TFR2: variants seen among roughly 807,000 people sequenced by gnomAD.
The protein encoded by TFR2 is transferrin receptor protein 2.
In TFR2, 64 loss-of-function variants were observed where a neutral mutation model predicts 91.9. That is an observed-to-expected ratio of 0.70 (90% CI 0.57 to 0.86). The LOEUF (loss-of-function observed/expected upper bound fraction) is 0.86. Among genes scored for constraint, TFR2 ranks in the 40% least tolerant of loss-of-function variants. The pLI is 0.00. For synonymous variants in TFR2, 454 were observed against 459.6 expected (o/e 0.99, Z 0.15); for missense variants, 950 against 1,080.5 (o/e 0.88, Z 1.69).
chr7:100,640,932 C>G, intron 2 of TFR2, 44 bp downstream of exon 2: 1 of 1,613,696 alleles, frequency 6.2e-7, no homozygotes, highest in South Asian at 1.1e-5. Context: ...AGAAATCTCC[C>G]CCAGCCCAAG....
At position 100,632,193 on chromosome 7, in the gene TFR2, G is replaced by A. The variant is rs1584459777; in HGVS notation, c.855C>T (p.Thr285=). 1.2e-6 allele frequency: 2 copies of A among 1,613,828 alleles called. No individual in the cohort carries two copies. The highest frequency in any genetic ancestry group is 1.7e-6 in the Non-Finnish European group (2 of 1,179,876). ...CTTGAGCCCCGAAGTCCTGAGCATTGGTCACCTGGGGAGGAAGGTGACTAG... is the reference window on the plus strand; with the variant it reads ...CTTGAGCCCCGAAGTCCTGAGCATTAGTCACCTGGGGAGGAAGGTGACTAG... ...VGVISFAQKV[T]NAQDFGAQGV... is the part of the protein sequence containing the mutation. Residue 285 remains threonine, a synonymous_variant, in exon 7 of 18, where the codon ACC becomes ACT. Transcript: ENST00000223051.
At position 100,632,089 on chromosome 7, in the gene TFR2, T is replaced by A; in HGVS notation, c.959A>T (p.Tyr320Phe). 2 of 1,614,144 alleles carry A rather than the reference T, an allele frequency of 1.2e-6. No individual in the cohort carries two copies. Among genetic ancestry groups the A allele is most frequent in the African/African-American group, 1.3e-5 (1 of 75,054 alleles). ...KPSLSSQQAV[Y>F]GHVHLGTGDP... The stretch of plus-strand genomic sequence containing the variant: ...CAGCCTCCCCAGACTCACATGTCCA[T>A]ACACTGCCTGCTGGCTGGACAGGCT... Residue 320 changes from tyrosine to phenylalanine, a missense_variant, in exon 7 of 18, where the codon TAT (tyrosine) becomes TTT (phenylalanine). Transcript: ENST00000223051.
At chr7:100,637,610 A>G (rs1399521272) in intron 3 of TFR2, among the ~76,000 whole-genome samples, 1 of 150,784 alleles carries the variant, frequency 6.6e-6, no homozygotes, top group Non-Finnish European at 1.5e-5. Flanking sequence ...ATAAAAATAA[A>G]TAAATCCTGT....
intron 8 of TFR2, 182 bp downstream of exon 8, chr7:100,631,623 CA>C (rs368447138): frequency 0.12 from 66,488 of 573,008 alleles, 1 homozygote; most frequent in East Asian, 0.16. Flanking sequence ...GACTCCATCT[CA>C]AAAAAAAAAA....
At position 100,627,985 on chromosome 7, in the gene TFR2, G is replaced by C. The variant is rs1803316574; in HGVS notation, c.1538-11C>G. On this transcript the variant is annotated splice_polypyrimidine_tract_variant and intron_variant, in intron 12 of 17. Transcript: ENST00000223051. ...GAAACTTGTCATCCCCTGGAAAAAG[G>C]GGAGGGGAGGGATGCCAGGCTCAGG... The C allele has an allele frequency of 6.2e-7, 1 of 1,614,042 alleles. No homozygotes were observed. Among genetic ancestry groups the C allele is most frequent in the Non-Finnish European group, 8.5e-7 (1 of 1,179,926 alleles).
Position 100,632,132 on chromosome 7 carries a change from G to T in TFR2, c.916C>A (p.Gln306Lys). 1 of 1,614,146 alleles carries T rather than the reference G, an allele frequency of 6.2e-7. No individual in the cohort carries two copies. Among genetic ancestry groups the T allele is most frequent in the South Asian group, 1.1e-5 (1 of 91,080 alleles). Reference protein sequence around the residue: ...LIYPEPADFSQDPPKPSLSSQ... With the variant: ...LIYPEPADFSKDPPKPSLSSQ... ...GACAGGCTTGGCTTGGGTGGGTCCTGGGAGAAGTCCGCTGGCTCTGGGTAT... is the reference window on the plus strand; with the variant it reads ...GACAGGCTTGGCTTGGGTGGGTCCTTGGAGAAGTCCGCTGGCTCTGGGTAT... Residue 306 changes from glutamine to lysine, a missense_variant, in exon 7 of 18, where the codon CAG (glutamine) becomes AAG (lysine). Gln to Lys is a moderately conservative substitution (Grantham distance 53, BLOSUM62 1). Coordinates refer to ENST00000223051, the MANE Select transcript of TFR2 (RefSeq NM_003227.4).
chr7:100,624,079 TAAAA>T (rs1289653943), intron 17 of TFR2, among the ~76,000 whole-genome samples: 1 of 151,480 alleles, frequency 6.6e-6, no homozygotes, highest in African/African-American at 2.4e-5. Context: ...GAAAAATAAA[TAAAA>T]ATAAAAACTC....
In TFR2 at chr7:100,621,099, C is replaced by T. The variant is rs1803097626; in HGVS notation, c.2164G>A (p.Val722Met). The change falls in exon 18 of 18, where the codon GTG (valine) becomes ATG (methionine). Residue 722 changes from valine (V) to methionine (M), a missense_variant. Coordinates refer to ENST00000223051, the MANE Select transcript of TFR2 (RefSeq NM_003227.4). ...CGGAACGGGGAGTCGGCTGGCGACA[C>T]GTACTGGGAAAGGAAGTAGAACTCC... ...RVEFYFLSQY[V>M]SPADSPFRHI... is the part of the protein sequence containing the mutation. The T allele has an allele frequency of 2.0e-6, 3 of 1,535,408 alleles. No homozygotes were observed. The highest frequency in any genetic ancestry group is 2.6e-6 in the Non-Finnish European group (3 of 1,135,440).
chr7:100,632,888 C>A, intron 6 of TFR2, 113 bp downstream of exon 6: 1 of 1,565,700 alleles, frequency 6.4e-7, no homozygotes, highest in Non-Finnish European at 8.8e-7. Context: ...TCTTACCATC[C>A]AGCCACATGG....
Position 100,633,357 on chromosome 7 carries a change from G to C in TFR2, c.615-17C>G. The C allele has an allele frequency of 6.2e-7, 1 of 1,609,988 alleles. No homozygotes were observed. Among genetic ancestry groups the C allele is most frequent in the Non-Finnish European group, 8.5e-7 (1 of 1,178,058 alleles). ...GGGTGAGCCCTGGGGAGCGGGGCTG[G>C]TGAGCGCCCCGAGCCGCGTCCCCCT... On this transcript the variant is annotated splice_polypyrimidine_tract_variant and intron_variant, in intron 4 of 17. Transcript: ENST00000223051.
chr7:100,627,900 C>T lies in TFR2; in HGVS notation c.1605+7G>A. The T allele has an allele frequency of 1.2e-6, 2 of 1,614,096 alleles. No individual in the cohort carries two copies. Among genetic ancestry groups the T allele is most frequent in the South Asian group, 1.1e-5 (1 of 91,090 alleles). Reference sequence around the variant, plus strand: ...CCCTTCACCCCCTATTCCTGGGGTGCTCTTGCCTGCTTCAGGACACTCTCA... The same window carrying T: ...CCCTTCACCCCCTATTCCTGGGGTGTTCTTGCCTGCTTCAGGACACTCTCA... On this transcript the variant is annotated splice_region_variant and intron_variant, in intron 13 of 17. Transcript: ENST00000223051.
intron 3 of TFR2, among the ~76,000 whole-genome samples, chr7:100,636,238 C>T (rs1314051649): frequency 3.0e-5 from 4 of 135,098 alleles, no homozygotes; most frequent in Admixed American, 8.7e-5. Flanking sequence ...TGCATTGGTG[C>T]GATCTCAGCT....
chr7:100,639,660 T>C (rs1277026437), intron 3 of TFR2: 1 of 151,772 alleles, frequency 6.6e-6, no homozygotes, highest in Admixed American at 6.6e-5. Context: ...GCTGATTACC[T>C]ACTTAGAAAA....
chr7:100,623,480 A>G (rs1331179108), intron 17 of TFR2, among the ~76,000 whole-genome samples: 3 of 151,896 alleles, frequency 2.0e-5, no homozygotes, highest in Non-Finnish European at 4.4e-5. Flanking sequence ...AATCACTCCT[A>G]AAAACTCTAC....
Position 100,628,300 on chromosome 7 carries a change from C to G in TFR2, c.1397G>C (p.Arg466Pro). Reference sequence around the variant, plus strand: ...GATGAAGAGGAGACTTCTGCGGGGCCGGAAGCCTGGGGACAGAGGGGAAGG... The same window carrying G: ...GATGAAGAGGAGACTTCTGCGGGGCGGGAAGCCTGGGGACAGAGGGGAAGG... ...TFSSMVSNGF[R>P]PRRSLLFISW... The change falls in exon 11 of 18, where the codon CGG becomes CCG. Residue 466 changes from arginine to proline, a missense_variant. Arg to Pro is a moderately radical substitution (Grantham distance 103, BLOSUM62 -2). Coordinates refer to ENST00000223051, the MANE Select transcript of TFR2 (RefSeq NM_003227.4). 1.2e-6 allele frequency: 2 copies of G among 1,613,978 alleles called. No individual in the cohort carries two copies. The highest frequency in any genetic ancestry group is 8.5e-7 in the Non-Finnish European group (1 of 1,179,942).
At chr7:100,632,825 C>T in intron 6 of TFR2, 176 bp downstream of exon 6, 1 of 1,017,348 alleles carries the variant, frequency 9.8e-7, no homozygotes, top group Non-Finnish European at 1.5e-6. Flanking sequence ...CCTGTCTTGG[C>T]CTCCTAAAGT....
chr7:100,621,012 G>A lies in TFR2; in HGVS notation c.2251C>T (p.Leu751=). 1 of 1,603,292 alleles carries A rather than the reference G, an allele frequency of 6.2e-7. No individual in the cohort carries two copies. The highest frequency in any genetic ancestry group is 1.1e-5 in the South Asian group (1 of 89,820). Residue 751 remains leucine (L), a synonymous_variant, in exon 18 of 18, where the codon CTG becomes TTG. Transcript: ENST00000223051. The stretch of plus-strand genomic sequence containing the variant: ...GGGGTCCCGGAGCTGTTGGAGCGCA[G>A]CAGCCGCAGGTGGTCCAGCAGGGCG... The part of the protein sequence containing the change: ...LGALLDHLRL[L]RSNSSGTPGA...
chr7:100,624,836 C>T (rs888455606), intron 17 of TFR2, among the ~76,000 whole-genome samples: 3 of 151,254 alleles, frequency 2.0e-5, no homozygotes, highest in Non-Finnish European at 4.4e-5. Flanking sequence ...CATGCTACTG[C>T]ACTCCAGCCT....
chr7:100,628,362 C>G, intron 10 of TFR2, 56 bp from the exon 11 acceptor site: 1 of 1,547,820 alleles, frequency 6.5e-7, no homozygotes, highest in Non-Finnish European at 8.9e-7. Context: ...AAGACCCTCC[C>G]CTTGTCTTCT....
Sources: allele counts gnomAD v4.1 joint callset (sites outside exome capture counted in the v4.1 genomes callset), GRCh38; gene constraint gnomAD v4.1.1; transcripts MANE v1.5; gene names NCBI Gene and HGNC (gene_info 2026-07-23, HGNC 2026-07-21).